Variants in THSD7B observed in about 807,000 individuals in gnomAD.
The protein encoded by THSD7B is thrombospondin type-1 domain-containing protein 7B.
Under a neutral mutation model 213.6 loss-of-function variants are expected in THSD7B, and 138 were observed. The observed-to-expected ratio is 0.65, with a 90% confidence interval of 0.56 to 0.74. The LOEUF is 0.74. Among genes scored for constraint, THSD7B ranks in the 30% least tolerant of loss-of-function variants. THSD7B has a pLI of 0.00. For synonymous variants in THSD7B, 742 were observed against 687.0 expected (o/e 1.08, Z -1.25); for missense variants, 1,931 against 1,991.5 (o/e 0.97, Z 0.58).
At chr2:137,346,464 A>G (rs1355595644) in intron 12 of THSD7B, among the ~76,000 whole-genome samples, 2 of 150,900 alleles carry the variant, frequency 1.3e-5, no homozygotes. Flanking sequence ...GCTGTGCATA[A>G]TATTAATATT....
At chr2:137,073,987 G>T (rs1254611725) in intron 3 of THSD7B, among the ~76,000 whole-genome samples, 1 of 152,140 alleles carries the variant, frequency 6.6e-6, no homozygotes. Context: ...CATTTGCTGA[G>T]GAGTGCTTTA....
At chr2:137,225,082 C>G (rs1681465849) in intron 7 of THSD7B, among the ~76,000 whole-genome samples, 1 of 152,112 alleles carries the variant, frequency 6.6e-6, no homozygotes, top group Admixed American at 6.6e-5. Flanking sequence ...ATGTTTTTCA[C>G]TTTGTGAGCA....
intron 5 of THSD7B, among the ~76,000 whole-genome samples, chr2:137,127,130 C>T (rs891419161): frequency 6.6e-6 from 1 of 152,190 alleles, no homozygotes; most frequent in Non-Finnish European, 1.5e-5. Flanking sequence ...AATCACAAAG[C>T]GGGCACATGC....
intron 19 of THSD7B, among the ~76,000 whole-genome samples, chr2:137,619,342 CA>C (rs1682470287): frequency 6.6e-6 from 1 of 152,178 alleles, no homozygotes; most frequent in Non-Finnish European, 1.5e-5. Flanking sequence ...GGAATTAAAA[CA>C]AAACAAACCT....
rs528030028 is a variant in THSD7B, at chr2:137,330,147, G to A, written c.2500+54121G>A. On this transcript the variant is annotated intron_variant, in intron 12 of 27. Coordinates refer to ENST00000409968, the MANE Select transcript of THSD7B (RefSeq NM_001316349.2). The stretch of plus-strand genomic sequence containing the variant: ...CCTCTGCCTAGATTTCAGAGGCTGT[G>A]TGGAAATGCCTAGATGTCTAGGCAG... Among the ~76,000 whole-genome samples the A allele has an allele frequency of 4.6e-5, 7 of 152,332 alleles. No homozygotes were observed. The South Asian group carries it at 1.4e-3, about 32-fold the overall frequency.
chr2:137,503,796 G>T (rs1573669165), intron 15 of THSD7B, among the ~76,000 whole-genome samples: 1 of 152,110 alleles, frequency 6.6e-6, no homozygotes, highest in Non-Finnish European at 1.5e-5. Flanking sequence ...GGAGGCTGAG[G>T]CAGGTGAATC....
At chr2:137,104,658 T>C (rs1015149459) in intron 4 of THSD7B, among the ~76,000 whole-genome samples, 3 of 152,076 alleles carry the variant, frequency 2.0e-5, no homozygotes, top group Non-Finnish European at 4.4e-5. Context: ...GATAGACGGC[T>C]AGCCAGACTA....
At chr2:137,529,982 T>G (rs1294219084) in intron 15 of THSD7B, among the ~76,000 whole-genome samples, 1 of 152,078 alleles carries the variant, frequency 6.6e-6, no homozygotes, top group Non-Finnish European at 1.5e-5. Flanking sequence ...TTTTTTTTGG[T>G]TCCTCCACAT....
At chr2:137,555,353 G>A (rs1680937326) in intron 15 of THSD7B, among the ~76,000 whole-genome samples, 1 of 152,176 alleles carries the variant, frequency 6.6e-6, no homozygotes, top group Non-Finnish European at 1.5e-5. Flanking sequence ...AACCTCCAGG[G>A]GAACGATTAG....
At chr2:137,079,062 A>G (rs1468244293) in intron 3 of THSD7B, among the ~76,000 whole-genome samples, 2 of 152,092 alleles carry the variant, frequency 1.3e-5, no homozygotes, top group African/African-American at 2.4e-5. Flanking sequence ...GCAGTGGGGC[A>G]CACCTCTGAT....
intron 2 of THSD7B, among the ~76,000 whole-genome samples, chr2:136,971,461 G>T (rs1294844025): frequency 6.6e-6 from 1 of 151,946 alleles, no homozygotes; most frequent in Non-Finnish European, 1.5e-5. Flanking sequence ...GTTCCCTGTG[G>T]TGTAGGAAGA....
intron 9 of THSD7B, among the ~76,000 whole-genome samples, chr2:137,238,225 A>C (rs1050538600): frequency 1.3e-5 from 2 of 152,118 alleles, no homozygotes; most frequent in Non-Finnish European, 2.9e-5. Context: ...TTGCGCCACA[A>C]ATATTTCCAG....
chr2:137,496,465 G>A (rs1356012982), intron 15 of THSD7B, among the ~76,000 whole-genome samples: 2 of 152,076 alleles, frequency 1.3e-5, no homozygotes, highest in East Asian at 3.9e-4. Flanking sequence ...ACCTCTTTGA[G>A]TCCTTTTTGT....
chr2:137,016,377 T>C (rs1044318157), intron 2 of THSD7B, among the ~76,000 whole-genome samples: 1 of 152,206 alleles, frequency 6.6e-6, no homozygotes, highest in Non-Finnish European at 1.5e-5. Context: ...GGAGATATTT[T>C]TGACAAAGTC....
At chr2:137,396,078 C>T (rs556928609) in intron 12 of THSD7B, among the ~76,000 whole-genome samples, 1,542 of 150,974 alleles carry the variant, frequency 0.01, 21 homozygotes, top group South Asian at 0.023. Flanking sequence ...GTCTTGCTAG[C>T]GGTCTATCAA....
At chr2:137,526,951 G>A (rs3899638) in intron 15 of THSD7B, among the ~76,000 whole-genome samples, 4,393 of 152,042 alleles carry the variant, frequency 0.029, 225 homozygotes, top group African/African-American at 0.1. Flanking sequence ...ATTTTGTACC[G>A]CTTATCCAAT....
intron 13 of THSD7B, among the ~76,000 whole-genome samples, chr2:137,406,430 A>G (rs993942917): frequency 4.6e-5 from 7 of 152,212 alleles, no homozygotes; most frequent in Admixed American, 2.6e-4. Flanking sequence ...GCAATAGTGT[A>G]TTTTACTACG....
At chr2:136,863,718 G>A (rs1156714529) in intron 1 of THSD7B, among the ~76,000 whole-genome samples, 1 of 149,512 alleles carries the variant, frequency 6.7e-6, no homozygotes, top group Non-Finnish European at 1.5e-5. Flanking sequence ...ACAACTATTA[G>A]AGGTAGAAAA....
intron 1 of THSD7B, among the ~76,000 whole-genome samples, chr2:136,804,309 A>G (rs910617083): frequency 2.6e-5 from 4 of 152,100 alleles, no homozygotes. Flanking sequence ...TAATGTGTCT[A>G]TATAGAGGTT....
Sources: gnomAD v4.1 joint callset for allele counts (sites outside exome capture counted in the v4.1 genomes callset) on GRCh38, gnomAD v4.1.1 for gene constraint, MANE v1.5 for transcripts, NCBI Gene and HGNC (gene_info 2026-07-23, HGNC 2026-07-21) for gene names.